The following ERC2 variants were observed in gnomAD, a reference collection of about 807,000 sequenced individuals.
ERC2 encodes ERC protein 2.
ERC2 carries 42 observed loss-of-function variants against 114.8 expected under a neutral mutation model. That is an observed-to-expected ratio of 0.37 (90% CI 0.29 to 0.47). The LOEUF is 0.47. ERC2 is among the 20% of genes least tolerant of loss of function. The probability of loss-of-function intolerance (pLI) is 0.99; values close to 1 mark genes in which losing one functional copy is unlikely to be tolerated. For missense variants in ERC2, 939 were observed against 1,150.7 expected (o/e 0.82, Z 2.66); for synonymous variants, 454 against 425.5 (o/e 1.07, Z -0.82).
intron 14 of ERC2, among the ~76,000 whole-genome samples, chr3:55,735,474 G>A (rs750958904): frequency 1.2e-4 from 19 of 152,250 alleles, no homozygotes; most frequent in Admixed American, 5.2e-4. Context: ...GTGAGCAAGC[G>A]TGAAAGAGAC....
At chr3:55,960,840 C>CCAA (rs1215126183) in intron 12 of ERC2, among the ~76,000 whole-genome samples, 1 of 151,720 alleles carries the variant, frequency 6.6e-6, no homozygotes, top group East Asian at 1.9e-4. Context: ...GCCTGTAAAA[C>CCAA]CACCCATGTG....
intron 17 of ERC2, among the ~76,000 whole-genome samples, chr3:55,583,582 TTCC>T (rs2057430863): frequency 7.2e-6 from 1 of 139,050 alleles, no homozygotes; most frequent in Non-Finnish European, 1.5e-5. Flanking sequence ...CCTTCCTTCC[TTCC>T]TTCCTTCCTA....
chr3:55,761,311 C>T (rs1219307775), intron 14 of ERC2, among the ~76,000 whole-genome samples: 1 of 152,072 alleles, frequency 6.6e-6, no homozygotes, highest in Non-Finnish European at 1.5e-5. Flanking sequence ...AGTTACATTT[C>T]AATTTCAGAT....
chr3:56,280,997 A>C (rs1232492907), intron 3 of ERC2, among the ~76,000 whole-genome samples: 1 of 152,266 alleles, frequency 6.6e-6, no homozygotes, highest in Non-Finnish European at 1.5e-5. Flanking sequence ...GAGCTAAGTA[A>C]GAACAGCTTA....
At position 56,385,538 on chromosome 3, in the gene ERC2, T is replaced by A. The variant is rs529609851; in HGVS notation, c.657+48813A>T. ...ATACCAGATTTGAGCAACTAGTGGG[T>A]GAAAACGGAACATGATATGTGTTTC... On this transcript the variant is annotated intron_variant, in intron 2 of 17. Transcript: ENST00000288221. 2.6e-5 allele frequency among the ~76,000 whole-genome samples: 4 copies of A among 152,266 alleles called. No individual in the cohort carries two copies. The South Asian group carries it at 8.3e-4, about 32-fold the overall frequency.
intron 3 of ERC2, among the ~76,000 whole-genome samples, chr3:56,236,136 ATT>A (rs2050928187): frequency 6.6e-6 from 1 of 152,168 alleles, no homozygotes; most frequent in Admixed American, 6.5e-5. Flanking sequence ...TACAGTGGAA[ATT>A]TTGCTTATAG....
chr3:55,899,886 C>T (rs1249921689), intron 13 of ERC2, among the ~76,000 whole-genome samples: 3 of 152,100 alleles, frequency 2.0e-5, no homozygotes, highest in African/African-American at 7.2e-5. Context: ...AAACCAATTT[C>T]AACTAAGAAA....
chr3:56,410,827 G>A (rs1453676114), intron 2 of ERC2, among the ~76,000 whole-genome samples: 1 of 152,056 alleles, frequency 6.6e-6, no homozygotes, highest in Non-Finnish European at 1.5e-5. Context: ...ATCATACTAT[G>A]TTGTGATAGA....
chr3:56,000,233 A>G (rs1379719), intron 10 of ERC2, among the ~76,000 whole-genome samples: 23,070 of 152,028 alleles, frequency 0.15, 1,934 homozygotes, highest in South Asian at 0.23. Context: ...AAAGGGCTTA[A>G]CTTGATACCA....
intron 2 of ERC2, among the ~76,000 whole-genome samples, chr3:56,425,425 C>T (rs1269592040): frequency 6.6e-6 from 1 of 152,124 alleles, no homozygotes; most frequent in Non-Finnish European, 1.5e-5. Context: ...ACATTGAGAA[C>T]CAGAGATGAA....
At chr3:55,937,685 A>G (rs1193758298) in intron 13 of ERC2, among the ~76,000 whole-genome samples, 1 of 152,240 alleles carries the variant, frequency 6.6e-6, no homozygotes, top group Non-Finnish European at 1.5e-5. Flanking sequence ...TGTGTAATAA[A>G]TGATTTTGAA....
chr3:56,461,841 C>T (rs565382366), intron 1 of ERC2, among the ~76,000 whole-genome samples: 5 of 152,174 alleles, frequency 3.3e-5, no homozygotes, highest in African/African-American at 1.2e-4. Flanking sequence ...ATTTAGGAAA[C>T]AAAGTTTTAA....
At chr3:56,213,745 C>T (rs543973691) in intron 3 of ERC2, among the ~76,000 whole-genome samples, 11 of 152,282 alleles carry the variant, frequency 7.2e-5, no homozygotes, top group South Asian at 6.2e-4. Context: ...TCCCGAGTAG[C>T]GTAACTGGGA....
intron 14 of ERC2, among the ~76,000 whole-genome samples, chr3:55,774,834 A>G (rs1212769634): frequency 6.6e-6 from 1 of 152,186 alleles, no homozygotes; most frequent in Non-Finnish European, 1.5e-5. Flanking sequence ...ATATTACCTA[A>G]TTACTAATAT....
chr3:56,270,931 G>A (rs531167542), intron 3 of ERC2, among the ~76,000 whole-genome samples: 6 of 152,286 alleles, frequency 3.9e-5, no homozygotes, highest in African/African-American at 7.2e-5. Flanking sequence ...GCAGCGAGCC[G>A]AGATTTCGCC....
intron 17 of ERC2, among the ~76,000 whole-genome samples, chr3:55,633,483 G>A (rs539562109): frequency 4.6e-4 from 70 of 152,248 alleles, no homozygotes; most frequent in African/African-American, 1.6e-3. Flanking sequence ...GAAAAACACT[G>A]AGTGGCATAT....
intron 3 of ERC2, among the ~76,000 whole-genome samples, chr3:56,243,706 G>A (rs1299802682): frequency 1.3e-5 from 2 of 152,082 alleles, no homozygotes; most frequent in African/African-American, 4.8e-5. Context: ...TTGGGATGAG[G>A]GAAGAATAAA....
At chr3:55,962,931 G>A (rs2068490543) in intron 12 of ERC2, among the ~76,000 whole-genome samples, 1 of 152,212 alleles carries the variant, frequency 6.6e-6, no homozygotes, top group Admixed American at 6.5e-5. Flanking sequence ...TGTCTGTTCT[G>A]TAGTTCAGCC....
intron 2 of ERC2, among the ~76,000 whole-genome samples, chr3:56,301,652 G>A (rs1312602843): frequency 6.6e-6 from 1 of 151,804 alleles, no homozygotes; most frequent in Non-Finnish European, 1.5e-5. Context: ...GATCACTTGA[G>A]CCCAAGAGTT....
Sources: gnomAD v4.1 joint callset for allele counts (sites outside exome capture counted in the v4.1 genomes callset) on GRCh38, gnomAD v4.1.1 for gene constraint, MANE v1.5 for transcripts, NCBI Gene and HGNC (gene_info 2026-07-23, HGNC 2026-07-21) for gene names.